Variants in C2orf15 observed in about 807,000 individuals in gnomAD.
C2orf15 encodes the protein uncharacterized protein C2orf15.
A neutral mutation model predicts 4.4 loss-of-function variants in C2orf15; 3 were observed. That is an observed-to-expected ratio of 0.67 (90% CI 0.31 to 1.74). The LOEUF (loss-of-function observed/expected upper bound fraction) is 1.74, where lower values mean the gene tolerates loss of function less well. C2orf15 is among the 40% of genes most tolerant of loss of function. The pLI is 0.09. For missense variants in C2orf15, 90 were observed against 103.3 expected (o/e 0.87, Z 0.56); for synonymous variants, 37 against 36.8 (o/e 1.00, Z -0.02).
chr2:99,147,653 C>A (rs184047453), intron 3 of C2orf15, among the ~76,000 whole-genome samples, 160 bp downstream of exon 3: 8 of 151,960 alleles, frequency 5.3e-5, no homozygotes, highest in Non-Finnish European at 5.9e-5. Flanking sequence ...TTTTTTAAAA[C>A]GTTTTTTCAA....
rs772105784 is a variant in C2orf15, at chr2:99,147,462, CCCTTCATGT to C, written c.-104_-96del. On this transcript the variant is annotated 5_prime_UTR_variant, in exon 3 of 4. It removes an upstream start codon present in the reference 5' UTR. Coordinates refer to ENST00000650052, the MANE Select transcript of C2orf15 (RefSeq NM_144706.4). ...AAGAGGCCCCCAATAGACTTGTTCA[CCCTTCATGT>C]CCTCAACTCTGGGGAAGTTAAGGTA... 7 of 1,613,800 alleles carry C rather than the reference CCCTTCATGT, an allele frequency of 4.3e-6. No individual in the cohort carries two copies. The highest frequency in any genetic ancestry group is 5.9e-6 in the Non-Finnish European group (7 of 1,179,864).
rs1288397143 is a variant in C2orf15, at chr2:99,150,751, A to T, written c.193A>T (p.Thr65Ser). The T allele has an allele frequency of 6.2e-7, 1 of 1,613,972 alleles. No homozygotes were observed. Among genetic ancestry groups the T allele is most frequent in the East Asian group, 2.2e-5 (1 of 44,868 alleles). The change falls in exon 4 of 4, where the codon ACA (threonine) becomes TCA (serine). Residue 65 changes from threonine (T) to serine (S), a missense_variant. By Grantham distance (58) the Thr-to-Ser change is moderately conservative. Transcript: ENST00000650052. ...CTTTACAAGGATTGAAGGGACTGGC[A>T]CAGGATCTCTTTCTGGGAAAGCCTT... ...ENFTRIEGTG[T>S]GSLSGKALGS...
At chr2:99,148,429 A>G (rs2093654074) in intron 3 of C2orf15, 1 of 152,170 alleles carries the variant, frequency 6.6e-6, no homozygotes, top group Admixed American at 6.6e-5. Context: ...GAGTCCCAGA[A>G]AGCCAAATAT....
chr2:99,148,525 T>C (rs949830061), intron 3 of C2orf15, among the ~76,000 whole-genome samples: 22 of 152,258 alleles, frequency 1.4e-4, no homozygotes, highest in Non-Finnish European at 2.1e-4. Flanking sequence ...TGTTTTGTTA[T>C]AAACACTGAT....
chr2:99,142,271 T>G lies in C2orf15; in HGVS notation c.-285-14T>G, dbSNP rs1375859196. 2 of 152,222 alleles carry G rather than the reference T, an allele frequency of 1.3e-5. No individual in the cohort carries two copies. Among genetic ancestry groups the G allele is most frequent in the African/African-American group, 4.8e-5 (2 of 41,458 alleles). 9.4% of individuals were successfully genotyped at this position (152,222 alleles called of 1,614,324 possible). ...TCTGGATGATAATGGTGACTTTATC[T>G]CCTTTTCCTGCAGATGACATAGACA... On this transcript the variant is annotated splice_polypyrimidine_tract_variant and intron_variant, in intron 1 of 3. Transcript: ENST00000650052.
Position 99,150,619 on chromosome 2 carries a change from G to A in C2orf15, c.61G>A (p.Val21Met). Residue 21 changes from valine to methionine, a missense_variant, in exon 4 of 4, where the codon GTG (valine) becomes ATG (methionine). Transcript: ENST00000650052. ...QVSAIHMDSKVDDHLIRGTEK... is the reference protein window; with the variant it reads ...QVSAIHMDSKMDDHLIRGTEK... ...ATCTGCTATACATATGGATTCAAAA[G>A]TGGATGATCACTTAATACGAGGGAC... The A allele has an allele frequency of 6.2e-7, 1 of 1,614,024 alleles. No homozygotes were observed. Among genetic ancestry groups the A allele is most frequent in the East Asian group, 2.2e-5 (1 of 44,864 alleles).
chr2:99,141,758 G>T lies in C2orf15; in HGVS notation c.-465G>T, dbSNP rs2093564434. 3 of 152,844 alleles carry T rather than the reference G, an allele frequency of 2.0e-5. No individual in the cohort carries two copies. The highest frequency in any genetic ancestry group is 2.0e-4 in the Admixed American group (3 of 15,292). The allele number at this position is 152,844 out of a possible 1,614,324, so 9.5% of individuals were successfully genotyped here. A position where few individuals can be genotyped will look rare whatever the true frequency, so the allele number is the denominator to read the frequency against. Reference sequence around the variant, plus strand: ...TTGAAACACCTGCTGCTTCGCGGCGGTGGCTTTGTGCCACTTTTCCCAGGG... The same window carrying T: ...TTGAAACACCTGCTGCTTCGCGGCGTTGGCTTTGTGCCACTTTTCCCAGGG... On this transcript the variant is annotated 5_prime_UTR_variant, in exon 1 of 4. Coordinates refer to ENST00000650052, the MANE Select transcript of C2orf15 (RefSeq NM_144706.4).
At chr2:99,142,423 C>G (rs2093577274) in intron 2 of C2orf15, 22 bp downstream of exon 2, 1 of 152,130 alleles carries the variant, frequency 6.6e-6, no homozygotes, top group African/African-American at 2.4e-5. Flanking sequence ...TTTTTCCCCC[C>G]ACAAGATATC....
chr2:99,148,449 A>G (rs1301938667), intron 3 of C2orf15: 4 of 152,186 alleles, frequency 2.6e-5, no homozygotes, highest in Non-Finnish European at 4.4e-5. Context: ...TATACTATTT[A>G]CCTAATTGTT....
In C2orf15 at chr2:99,141,720, G is replaced by C. The variant is rs925664969; in HGVS notation, c.-503G>C. On this transcript the variant is annotated 5_prime_UTR_variant, in exon 1 of 4. Coordinates refer to ENST00000650052, the MANE Select transcript of C2orf15 (RefSeq NM_144706.4). Reference sequence around the variant, plus strand: ...GCGCAAGGCTGTCTCTCGCAGCCCCGCCTTCCCTCAGCTTGAAACACCTGC... The same window carrying C: ...GCGCAAGGCTGTCTCTCGCAGCCCCCCCTTCCCTCAGCTTGAAACACCTGC... 3 of 152,986 alleles carry C rather than the reference G, an allele frequency of 2.0e-5. No individual in the cohort carries two copies. The highest frequency in any genetic ancestry group is 7.2e-5 in the African/African-American group (3 of 41,594). The allele number at this position is 152,986 out of a possible 1,614,324, so 9.5% of individuals were successfully genotyped here. A position where few individuals can be genotyped will look rare whatever the true frequency, so the allele number is the denominator to read the frequency against.
chr2:99,144,809 T>C (rs1277855479), intron 2 of C2orf15, among the ~76,000 whole-genome samples: 2 of 152,136 alleles, frequency 1.3e-5, no homozygotes, highest in East Asian at 1.9e-4. Flanking sequence ...CAAAAATTGC[T>C]TCAGGCTGGG....
chr2:99,147,541 C>T (rs1208843837), intron 3 of C2orf15, 48 bp downstream of exon 3: 1 of 1,536,062 alleles, frequency 6.5e-7, no homozygotes, highest in African/African-American at 1.4e-5. Context: ...GGTTCCTCCT[C>T]AGTCCTTTTA....
chr2:99,146,176 G>A (rs552895970), intron 2 of C2orf15, among the ~76,000 whole-genome samples: 7 of 152,142 alleles, frequency 4.6e-5, no homozygotes, highest in African/African-American at 1.4e-4. Context: ...CCAGCTACTC[G>A]GGAGGCCTCA....
chr2:99,145,748 T>G (rs2093625276), intron 2 of C2orf15, among the ~76,000 whole-genome samples: 1 of 152,334 alleles, frequency 6.6e-6, no homozygotes, highest in Middle Eastern at 3.4e-3. Flanking sequence ...CTACCACAGC[T>G]GGGGACCAGA....
chr2:99,143,204 C>T (rs1301554110), intron 2 of C2orf15, among the ~76,000 whole-genome samples: 1 of 134,652 alleles, frequency 7.4e-6, no homozygotes, highest in Non-Finnish European at 1.5e-5. Context: ...TGCAGTGGCA[C>T]GATCTCGGCT....
intron 3 of C2orf15, among the ~76,000 whole-genome samples, chr2:99,150,198 A>G (rs951179804): frequency 5.9e-5 from 9 of 152,238 alleles, no homozygotes; most frequent in African/African-American, 2.2e-4. Context: ...GTAATGAATA[A>G]AGAGGTTTCG....
intron 2 of C2orf15, among the ~76,000 whole-genome samples, chr2:99,143,686 G>A (rs1039142608): frequency 2.6e-5 from 4 of 151,714 alleles, no homozygotes; most frequent in African/African-American, 9.7e-5. Context: ...TGCCCAGGCT[G>A]GTCTTGAACT....
intron 2 of C2orf15, among the ~76,000 whole-genome samples, chr2:99,144,091 G>A (rs1459902655): frequency 1.3e-5 from 2 of 152,034 alleles, no homozygotes; most frequent in South Asian, 2.1e-4. Context: ...CGCGATCTCC[G>A]CTCACTGGAA....
At chr2:99,143,373 A>G (rs1013624728) in intron 2 of C2orf15, among the ~76,000 whole-genome samples, 4 of 151,024 alleles carry the variant, frequency 2.6e-5, no homozygotes, top group Admixed American at 2.6e-4. Flanking sequence ...GTTAGCCAGG[A>G]TGGTCTTGAT....
Sources: allele counts gnomAD v4.1 joint callset (sites outside exome capture counted in the v4.1 genomes callset), GRCh38; gene constraint gnomAD v4.1.1; transcripts MANE v1.5; gene names NCBI Gene and HGNC (gene_info 2026-07-23, HGNC 2026-07-21).